Variants in ALDH4A1 observed in about 807,000 individuals in gnomAD.
ALDH4A1 encodes the protein aldehyde dehydrogenase 4 family member A1, also known as delta-1-pyrroline-5-carboxylate dehydrogenase, mitochondrial.
Under a neutral mutation model 70.5 loss-of-function variants are expected in ALDH4A1, and 46 were observed. That is an observed-to-expected ratio of 0.65 (90% CI 0.51 to 0.83). The LOEUF (loss-of-function observed/expected upper bound fraction) is 0.83. Among genes scored for constraint, ALDH4A1 ranks in the 40% least tolerant of loss-of-function variants. The pLI is 0.00. For missense variants in ALDH4A1, 749 were observed against 766.5 expected (o/e 0.98, Z 0.27); for synonymous variants, 323 against 324.3 (o/e 1.00, Z 0.04).
intron 1 of ALDH4A1, among the ~76,000 whole-genome samples, chr1:18,899,241 G>A (rs1156270580): frequency 6.6e-6 from 1 of 152,204 alleles, no homozygotes; most frequent in Non-Finnish European, 1.5e-5. Flanking sequence ...CCAAGGGCTG[G>A]GCAGACTAGG....
rs1245847695 is a variant in ALDH4A1, at chr1:18,898,746, C to G, written c.62+3716G>C. On this transcript the variant is annotated intron_variant, in intron 1 of 14. Transcript: ENST00000375341. The surrounding 1 kb of genome is among the most constrained non-coding windows in gnomAD (Gnocchi z 4.3). ...AGTTGGAGCCAGGATCCAAGCCATG[C>G]TGTGTTCTGGACCATCTCAACAGCA... is the stretch of plus-strand genomic sequence containing the variant. Among the ~76,000 whole-genome samples, 3 of 152,244 alleles carry G rather than the reference C, an allele frequency of 2.0e-5. No individual in the cohort carries two copies. The highest frequency in any genetic ancestry group is 2.9e-5 in the Non-Finnish European group (2 of 68,048).
intron 11 of ALDH4A1, 27 bp from the exon 12 acceptor site, chr1:18,876,494 C>T (rs767937612): frequency 5.1e-6 from 8 of 1,559,784 alleles, no homozygotes; most frequent in Non-Finnish European, 6.9e-6. Context: ...GGAGGGAGGT[C>T]TAAGAGGCTG....
chr1:18,889,530 C>A (rs1935352444), intron 2 of ALDH4A1, 76 bp from the exon 3 acceptor site: 2 of 1,348,950 alleles, frequency 1.5e-6, no homozygotes, highest in Non-Finnish European at 2.1e-6. Flanking sequence ...ACGCAGAGTC[C>A]ACAGACGGAG....
In ALDH4A1 at chr1:18,883,420, G is replaced by C; in HGVS notation, c.462C>G (p.Thr154=). Residue 154 remains threonine (T), a synonymous_variant, in exon 6 of 15, where the codon ACC becomes ACG. Transcript: ENST00000375341. ...CAGCGTCAATCTCCGCTTGGATCAC[G>C]GTCTTACCCTGCAAGGCAGAGGGCC... is the stretch of plus-strand genomic sequence containing the variant. ...LAKTMVGQGK[T]VIQAEIDAAA... is the part of the protein sequence containing the mutation. The C allele has an allele frequency of 6.2e-7, 1 of 1,613,368 alleles. No homozygotes were observed.
At chr1:18,876,748 C>G (rs1416001055) in intron 11 of ALDH4A1, among the ~76,000 whole-genome samples, 1 of 150,706 alleles carries the variant, frequency 6.6e-6, no homozygotes, top group Non-Finnish European at 1.5e-5. Flanking sequence ...ACACATCAAT[C>G]AATGCATATA....
Position 18,872,797 on chromosome 1 carries a change from C to G in ALDH4A1, c.*48G>C. The G allele has an allele frequency of 6.7e-7, 1 of 1,496,306 alleles. No homozygotes were observed. The allele number at this position is 1,496,306 out of a possible 1,614,324, so 92.7% of individuals were successfully genotyped here. On this transcript the variant is annotated 3_prime_UTR_variant, in exon 15 of 15. Transcript: ENST00000375341. Reference sequence around the variant, plus strand: ...TGGAGTGGGGTCTGTGCAGTGAGGTCGGCCACCTGGACGGACAGACAGCTG... The same window carrying G: ...TGGAGTGGGGTCTGTGCAGTGAGGTGGGCCACCTGGACGGACAGACAGCTG...
intron 13 of ALDH4A1, 27 bp downstream of exon 13, chr1:18,875,355 C>T (rs2100553056): frequency 6.2e-7 from 1 of 1,613,884 alleles, no homozygotes; most frequent in Non-Finnish European, 8.5e-7. Flanking sequence ...CGGAGCACAG[C>T]ACCAGGGCTG....
At chr1:18,884,055 C>T (rs1177579015) in intron 5 of ALDH4A1, among the ~76,000 whole-genome samples, 1 of 152,168 alleles carries the variant, frequency 6.6e-6, no homozygotes, top group East Asian at 1.9e-4. Context: ...CCTCTTGGCA[C>T]CCAAGGTCAC....
chr1:18,885,738 T>A, intron 4 of ALDH4A1, 110 bp from the exon 5 acceptor site: 1 of 1,466,844 alleles, frequency 6.8e-7, no homozygotes, highest in East Asian at 2.3e-5. Flanking sequence ...CCGGGGACAA[T>A]GCCTGTCTCC....
In ALDH4A1 at chr1:18,881,712, G is replaced by A. The variant is rs1489268198; in HGVS notation, c.854C>T (p.Thr285Ile). The change falls in exon 8 of 15, where the codon ACA becomes ATA. Residue 285 changes from threonine (T) to isoleucine (I), a missense_variant. Transcript: ENST00000375341. ...CCCAGGGACTTACGGCACACTGCCT[G>A]TGAAGTTGATGCCACAGAGGTGCTC... ...SSEHLCGINF[T>I]GSVPTFKHLW... The A allele has an allele frequency of 1.9e-6, 3 of 1,613,972 alleles. No individual in the cohort carries two copies. The Admixed American group carries it at 5.0e-5, about 27-fold the overall frequency.
intron 11 of ALDH4A1, among the ~76,000 whole-genome samples, chr1:18,876,848 CGT>C (rs983372735): frequency 6.6e-6 from 1 of 152,018 alleles, no homozygotes; most frequent in East Asian, 1.9e-4. Context: ...TCGACATATG[CGT>C]GTGTGTGCTT....
At chr1:18,894,254 G>T (rs16862341) in intron 1 of ALDH4A1, among the ~76,000 whole-genome samples, 88,371 of 152,004 alleles carry the variant, frequency 0.58, 26,154 homozygotes, top group Admixed American at 0.66. Context: ...GGTTAAAACG[G>T]AGTAGGCCGG....
chr1:18,900,743 C>G (rs1051925714), intron 1 of ALDH4A1: 1 of 630,204 alleles, frequency 1.6e-6, no homozygotes, highest in Non-Finnish European at 2.0e-6. Context: ...TGCTCTTTCT[C>G]TTTCCCCTCT....
chr1:18,878,960 G>A (rs1021452180), intron 9 of ALDH4A1, among the ~76,000 whole-genome samples: 3 of 152,068 alleles, frequency 2.0e-5, no homozygotes, highest in South Asian at 2.1e-4. Flanking sequence ...ACTTGCCTCC[G>A]CTTACAGCTG....
intron 1 of ALDH4A1, chr1:18,890,712 AAC>A: frequency 3.0e-6 from 3 of 985,560 alleles, no homozygotes; most frequent in Non-Finnish European, 3.6e-6. Context: ...TTGAAGTTTA[AAC>A]ACACAGATGC....
At chr1:18,893,456 G>A (rs1935510629) in intron 1 of ALDH4A1, among the ~76,000 whole-genome samples, 1 of 152,100 alleles carries the variant, frequency 6.6e-6, no homozygotes, top group South Asian at 2.1e-4. Context: ...TTAACTTCAT[G>A]ATCCTGGAAA....
At chr1:18,874,646 T>TGCTCCAGCCC (rs1934593989) in intron 13 of ALDH4A1, 65 bp from the exon 14 acceptor site, 1 of 1,491,220 alleles carries the variant, frequency 6.7e-7, no homozygotes, top group Non-Finnish European at 9.4e-7. Context: ...AGCTCCAGCC[T>TGCTCCAGCCC]CAACACCCCT....
chr1:18,897,023 T>C (rs375394979), intron 1 of ALDH4A1: 1 of 529,384 alleles, frequency 1.9e-6, no homozygotes, highest in Admixed American at 2.0e-5. Context: ...TGAGACAGGA[T>C]CATCTCACTG....
intron 5 of ALDH4A1, 46 bp downstream of exon 5, chr1:18,885,427 T>TCCCCCCCCC: frequency 6.1e-6 from 4 of 650,920 alleles, no homozygotes; most frequent in African/African-American, 1.9e-5. Context: ...CACACCTGAC[T>TCCCCCCCCC]CCCACCCCAC....
Sources: gnomAD v4.1 joint callset for allele counts (sites outside exome capture counted in the v4.1 genomes callset) on GRCh38, gnomAD v4.1.1 for gene constraint, Gnocchi (gnomAD v3.1) non-coding constraint, MANE v1.5 for transcripts, NCBI Gene and HGNC (gene_info 2026-07-23, HGNC 2026-07-21) for gene names.